SAMD5: variants seen among roughly 807,000 people sequenced by gnomAD.
The protein encoded by SAMD5 is sterile alpha motif domain-containing protein 5.
SAMD5 carries 13 observed loss-of-function variants against 11.3 expected under a neutral mutation model. The ratio of observed to expected loss-of-function variants is 1.15; its 90% CI spans 0.75 to 1.83. The LOEUF is 1.83. Among genes scored for constraint, SAMD5 ranks in the 40% most tolerant of loss-of-function variants. The probability of loss-of-function intolerance (pLI) is 0.00; values close to 1 mark genes in which losing one functional copy is unlikely to be tolerated. For missense variants in SAMD5, 255 were observed against 239.1 expected (o/e 1.07, Z -0.44); for synonymous variants, 129 against 111.3 (o/e 1.16, Z -1.00).
the SAMD5 span, among the ~76,000 whole-genome samples, chr6:147,912,666 T>A: frequency 8.5e-5 from 13 of 152,120 alleles, no homozygotes; most frequent in Non-Finnish European, 1.5e-4. Flanking sequence ...TTGGAAACTA[T>A]CTAGATGTCC....
the SAMD5 span, among the ~76,000 whole-genome samples, chr6:147,758,138 A>G: frequency 1.6e-4 from 25 of 152,218 alleles, no homozygotes; most frequent in Admixed American, 1.6e-3. Flanking sequence ...AAGATGTTAT[A>G]TCAATTACTT....
the SAMD5 span, among the ~76,000 whole-genome samples, chr6:147,896,738 C>CAAA: frequency 7.1e-4 from 39 of 55,312 alleles, no homozygotes; most frequent in African/African-American, 1.4e-3. Context: ...GAACATTAAC[C>CAAA]AAAAAAAAAA....
At chr6:147,946,769 C>T in the SAMD5 span, among the ~76,000 whole-genome samples, 1 of 152,132 alleles carries the variant, frequency 6.6e-6, no homozygotes, top group Non-Finnish European at 1.5e-5. Context: ...TAATTAGCAA[C>T]TGAAATTAGA....
chr6:147,522,367 A>G (rs1357275378), intron 1 of SAMD5, among the ~76,000 whole-genome samples: 1 of 152,186 alleles, frequency 6.6e-6, no homozygotes, highest in African/African-American at 2.4e-5. Context: ...ATTAAGGAAA[A>G]CATCCTTCTT....
chr6:147,847,391 T>C, the SAMD5 span, among the ~76,000 whole-genome samples: 1 of 152,180 alleles, frequency 6.6e-6, no homozygotes, highest in Non-Finnish European at 1.5e-5. Flanking sequence ...AAACAGTCAA[T>C]GAAAAGCTTT....
At chr6:147,613,322 A>T (rs1257189338) in intron 1 of SAMD5, among the ~76,000 whole-genome samples, 1 of 151,714 alleles carries the variant, frequency 6.6e-6, no homozygotes, top group Admixed American at 6.6e-5. Flanking sequence ...TTCCTTATTG[A>T]GCCCCTGATC....
At chr6:147,633,373 C>A (rs927544573) in intron 1 of SAMD5, among the ~76,000 whole-genome samples, 23 of 152,038 alleles carry the variant, frequency 1.5e-4, no homozygotes, top group African/African-American at 4.6e-4. Context: ...TTTTGGGCTG[C>A]GGTTTCTTAT....
chr6:147,667,491 A>G (rs7745971), intron 1 of SAMD5, among the ~76,000 whole-genome samples: 2,147 of 152,328 alleles, frequency 0.014, 51 homozygotes, highest in African/African-American at 0.05. Flanking sequence ...AGGGGCCAAG[A>G]AAAAGCCAAG....
intron 1 of SAMD5, among the ~76,000 whole-genome samples, chr6:147,664,901 TG>T (rs568773523): frequency 4.8e-4 from 73 of 152,276 alleles, no homozygotes; most frequent in African/African-American, 1.6e-3. Flanking sequence ...TGAATACTGT[TG>T]TTATTTTTTT....
intron 1 of SAMD5, among the ~76,000 whole-genome samples, chr6:147,595,543 T>C (rs1789516374): frequency 6.8e-6 from 1 of 147,886 alleles, no homozygotes; most frequent in Admixed American, 6.7e-5. Context: ...TTTTTTTTTT[T>C]TGAGACAGAG....
chr6:147,765,068 G>A, the SAMD5 span, among the ~76,000 whole-genome samples: 4 of 152,206 alleles, frequency 2.6e-5, no homozygotes, highest in South Asian at 4.1e-4. Context: ...AATGTACAAC[G>A]TATATTTTGC....
the SAMD5 span, among the ~76,000 whole-genome samples, chr6:147,843,230 T>C: frequency 6.6e-6 from 1 of 152,344 alleles, no homozygotes; most frequent in East Asian, 1.9e-4. Flanking sequence ...AGTATACTCC[T>C]ATGTATTTTA....
At chr6:147,619,070 C>T (rs915086611) in intron 1 of SAMD5, among the ~76,000 whole-genome samples, 4 of 152,160 alleles carry the variant, frequency 2.6e-5, no homozygotes, top group African/African-American at 4.8e-5. Flanking sequence ...TGATCACAGG[C>T]GTGAGCCGCA....
chr6:147,824,639 A>G, the SAMD5 span, among the ~76,000 whole-genome samples: 2 of 152,234 alleles, frequency 1.3e-5, no homozygotes, highest in African/African-American at 4.8e-5. Flanking sequence ...AATACTAATT[A>G]CAAAACAATC....
In SAMD5 at chr6:147,508,952, G is replaced by A; in HGVS notation, c.24G>A (p.Glu8=). 3 of 1,600,830 alleles carry A rather than the reference G, an allele frequency of 1.9e-6. No homozygotes were observed. The African/African-American group carries it at 4.0e-5, about 22-fold the overall frequency. The change falls in exon 1 of 2, where the codon GAG becomes GAA. Residue 8 remains glutamate (E), a synonymous_variant. Transcript: ENST00000367474. MCTNIVY[E]WLKALQLPQY... ...CCATGTGCACCAACATAGTTTACGAGTGGCTCAAAGCGCTGCAGCTTCCGC... is the reference window on the plus strand; with the variant it reads ...CCATGTGCACCAACATAGTTTACGAATGGCTCAAAGCGCTGCAGCTTCCGC...
At chr6:147,879,039 G>T in the SAMD5 span, among the ~76,000 whole-genome samples, 5 of 152,144 alleles carry the variant, frequency 3.3e-5, no homozygotes, top group African/African-American at 1.2e-4. Context: ...TTTAAGGAAG[G>T]ACTTGGATAT....
intron 1 of SAMD5, among the ~76,000 whole-genome samples, chr6:147,731,517 A>C (rs1012673100): frequency 6.6e-6 from 1 of 151,956 alleles, no homozygotes; most frequent in East Asian, 1.9e-4. Context: ...TTGAAAATCT[A>C]TTTCCTTTAT....
At chr6:147,597,748 G>C (rs1414373409) in intron 1 of SAMD5, among the ~76,000 whole-genome samples, 1 of 152,138 alleles carries the variant, frequency 6.6e-6, no homozygotes, top group African/African-American at 2.4e-5. Flanking sequence ...CCTGACTCTT[G>C]CTTCAAACTC....
intron 1 of SAMD5, among the ~76,000 whole-genome samples, chr6:147,526,079 G>A (rs1788334601): frequency 6.6e-6 from 1 of 152,048 alleles, no homozygotes; most frequent in African/African-American, 2.4e-5. Context: ...TGAATTCCTA[G>A]GGCAGAGCTA....
Sources: allele counts gnomAD v4.1 joint callset (sites outside exome capture counted in the v4.1 genomes callset), GRCh38; gene constraint gnomAD v4.1.1; transcripts MANE v1.5; gene names NCBI Gene and HGNC (gene_info 2026-07-23, HGNC 2026-07-21).